RGS6: variants seen among roughly 807,000 people sequenced by gnomAD.
RGS6 encodes the protein regulator of G-protein signaling 6.
A neutral mutation model predicts 78.5 loss-of-function variants in RGS6; 30 were observed. The observed-to-expected ratio is 0.38, with a 90% CI of 0.29 to 0.52. The LOEUF is 0.52. Ranked by LOEUF, RGS6 falls within the 20% of genes least tolerant of loss-of-function variation. The pLI, the probability that RGS6 is intolerant of heterozygous loss-of-function variation, is 0.85. For synonymous variants in RGS6, 206 were observed against 206.0 expected (o/e 1.00, Z 0.00); for missense variants, 495 against 609.7 (o/e 0.81, Z 1.98).
chr14:72,370,049 A>G (rs2152830664), intron 3 of RGS6, among the ~76,000 whole-genome samples: 1 of 152,254 alleles, frequency 6.6e-6, no homozygotes, highest in African/African-American at 2.4e-5. Flanking sequence ...AACCATATAT[A>G]CATTTATATA....
At chr14:72,072,561 G>A (rs1207016548) in intron 2 of RGS6, among the ~76,000 whole-genome samples, 3 of 151,960 alleles carry the variant, frequency 2.0e-5, no homozygotes, top group Admixed American at 6.6e-5. Context: ...CACCTGCCCC[G>A]GCCTCCCAAA....
chr14:72,397,189 G>C (rs1431607390), intron 3 of RGS6, among the ~76,000 whole-genome samples: 1 of 152,172 alleles, frequency 6.6e-6, no homozygotes, highest in Non-Finnish European at 1.5e-5. Context: ...CCTTGAGCAT[G>C]GAATGTTCTT....
chr14:71,874,127 T>TTCCATATGAA, the RGS6 span, among the ~76,000 whole-genome samples: 1 of 152,206 alleles, frequency 6.6e-6, no homozygotes, highest in Non-Finnish European at 1.5e-5. Context: ...CAATGTGGGC[T>TTCCATATGAA]CTTTTTTGGT....
intron 15 of RGS6, among the ~76,000 whole-genome samples, chr14:72,526,629 A>T (rs1304081719): frequency 9.2e-5 from 14 of 152,234 alleles, no homozygotes; most frequent in Admixed American, 6.5e-4. Context: ...ATGATGCCTT[A>T]TGTGGAAACA....
chr14:71,887,371 A>G, the RGS6 span, among the ~76,000 whole-genome samples: 13 of 152,190 alleles, frequency 8.5e-5, no homozygotes, highest in Admixed American at 1.3e-4. Flanking sequence ...GAAGACAACC[A>G]TAAGGTCACA....
chr14:72,236,652 G>A (rs2051123332), intron 2 of RGS6, among the ~76,000 whole-genome samples: 1 of 152,214 alleles, frequency 6.6e-6, no homozygotes, highest in African/African-American at 2.4e-5. Context: ...CCGGGCAGAG[G>A]CGCTCCTCAC....
intron 2 of RGS6, among the ~76,000 whole-genome samples, chr14:72,142,209 TG>T (rs2096549506): frequency 6.6e-6 from 1 of 152,186 alleles, no homozygotes. Context: ...AAATACTGGT[TG>T]GATAGCACTG....
chr14:72,166,187 C>T (rs1289255761), intron 2 of RGS6, among the ~76,000 whole-genome samples: 1 of 151,752 alleles, frequency 6.6e-6, no homozygotes, highest in Non-Finnish European at 1.5e-5. Flanking sequence ...TCATAGACGT[C>T]TTTCTTCTCT....
At chr14:72,454,303 C>T (rs1663849898) in intron 3 of RGS6, among the ~76,000 whole-genome samples, 1 of 152,128 alleles carries the variant, frequency 6.6e-6, no homozygotes, top group Non-Finnish European at 1.5e-5. Flanking sequence ...ATAAGCTCAT[C>T]CTGCATCATC....
At chr14:71,970,797 G>T (rs1218750073) in intron 2 of RGS6, among the ~76,000 whole-genome samples, 13 of 152,174 alleles carry the variant, frequency 8.5e-5, no homozygotes, top group Admixed American at 6.5e-4. Context: ...GACAATTACA[G>T]TGTTGGTAGA....
intron 2 of RGS6, among the ~76,000 whole-genome samples, chr14:72,189,148 T>C (rs941251603): frequency 6.6e-6 from 1 of 152,172 alleles, no homozygotes; most frequent in Non-Finnish European, 1.5e-5. Context: ...GCCAAAACTA[T>C]GGATAATATT....
chr14:71,974,485 C>T (rs1354025666), intron 2 of RGS6, among the ~76,000 whole-genome samples: 1 of 152,008 alleles, frequency 6.6e-6, no homozygotes, highest in Non-Finnish European at 1.5e-5. Context: ...AATCAAATAT[C>T]CATTGAAAGG....
intron 2 of RGS6, among the ~76,000 whole-genome samples, chr14:72,309,357 G>T (rs2068013211): frequency 6.6e-6 from 1 of 152,168 alleles, no homozygotes; most frequent in African/African-American, 2.4e-5. Context: ...TGCAAATCTA[G>T]CACCCTAAAC....
chr14:72,146,835 T>G (rs1162162251), intron 2 of RGS6, among the ~76,000 whole-genome samples: 1 of 152,232 alleles, frequency 6.6e-6, no homozygotes, highest in Non-Finnish European at 1.5e-5. Flanking sequence ...CTTATTTTAC[T>G]GTAAGTGGCT....
rs1009801690 is a variant in RGS6 at position 72,178,768 on chromosome 14, T to C, written c.85-173327T>C. On this transcript the variant is annotated intron_variant, in intron 2 of 17. Transcript: ENST00000553525. ...GGACTATGACAAAACAGAGTGTTAG[T>C]AGTGAACATCTCAGGTAATACCACA... 2.4e-4 allele frequency among the ~76,000 whole-genome samples: 36 copies of C among 150,924 alleles called. 1 individual carries two copies. The highest frequency in any genetic ancestry group is 3.5e-4 in the Non-Finnish European group (24 of 68,024).
intron 2 of RGS6, among the ~76,000 whole-genome samples, chr14:72,248,663 A>C (rs2054852962): frequency 6.6e-6 from 1 of 152,206 alleles, no homozygotes; most frequent in Admixed American, 6.5e-5. Flanking sequence ...ATGTGCTGCA[A>C]CTGAATCCAG....
the RGS6 span, among the ~76,000 whole-genome samples, chr14:71,907,773 C>T: frequency 7.2e-5 from 11 of 151,814 alleles, no homozygotes; most frequent in Non-Finnish European, 1.6e-4. Flanking sequence ...AAGTTGGTGG[C>T]AGTGATGGGA....
intron 15 of RGS6, among the ~76,000 whole-genome samples, chr14:72,522,175 G>A (rs1156259520): frequency 6.6e-6 from 1 of 152,182 alleles, no homozygotes. Flanking sequence ...TTGGTTGCTG[G>A]TGAGGGCTCA....
At chr14:71,886,673 A>G in the RGS6 span, among the ~76,000 whole-genome samples, 1 of 152,234 alleles carries the variant, frequency 6.6e-6, no homozygotes, top group East Asian at 1.9e-4. Flanking sequence ...TGCAAGGTAT[A>G]TCTTTAATTT....
Sources: gnomAD v4.1 joint callset for allele counts (sites outside exome capture counted in the v4.1 genomes callset) on GRCh38, gnomAD v4.1.1 for gene constraint, MANE v1.5 for transcripts, NCBI Gene and HGNC (gene_info 2026-07-23, HGNC 2026-07-21) for gene names.